The following NTM variants were observed in gnomAD, a reference collection of about 807,000 sequenced individuals.
NTM encodes the protein neurotrimin.
NTM carries 13 observed loss-of-function variants against 42.1 expected under a neutral mutation model. The observed-to-expected ratio is 0.31, with a 90% CI of 0.20 to 0.49. NTM has a LOEUF of 0.49. NTM is among the 20% of genes least tolerant of loss of function. The pLI is 0.99. For synonymous variants in NTM, 187 were observed against 179.2 expected, an observed-to-expected ratio of 1.04 and a Z score of -0.35; for missense variants, 373 against 452.8, an observed-to-expected ratio of 0.82 and a Z score of 1.60.
At chr11:131,534,349 C>G (rs2051782816) in intron 1 of NTM, 1 of 152,128 alleles carries the variant, frequency 6.6e-6, no homozygotes, top group Non-Finnish European at 1.5e-5. Flanking sequence ...AGACATCAGA[C>G]CAGACACACA....
chr11:132,084,202 A>G (rs2059422750), intron 2 of NTM, among the ~76,000 whole-genome samples: 1 of 152,168 alleles, frequency 6.6e-6, no homozygotes, highest in Non-Finnish European at 1.5e-5. Flanking sequence ...TGAAGGGGAT[A>G]AAAACAAGAC....
chr11:132,107,339 C>CTTCTTTTT (rs1640202965), intron 2 of NTM, among the ~76,000 whole-genome samples: 3 of 88,858 alleles, frequency 3.4e-5, no homozygotes, highest in Admixed American at 1.2e-4. Context: ...AAGATTTATC[C>CTTCTTTTT]TTTTTTTTTT....
At chr11:131,594,700 G>A (rs2059665990) in intron 1 of NTM, among the ~76,000 whole-genome samples, 1 of 152,148 alleles carries the variant, frequency 6.6e-6, no homozygotes, top group Admixed American at 6.6e-5. Flanking sequence ...ATGCCTGAAA[G>A]TTTACTAATT....
intron 2 of NTM, among the ~76,000 whole-genome samples, chr11:132,101,944 C>T (rs149640807): frequency 6.6e-6 from 1 of 152,188 alleles, no homozygotes; most frequent in African/African-American, 2.4e-5. Flanking sequence ...CTTTCTGTAA[C>T]CTGATCTCTC....
chr11:131,727,348 GA>G (rs1017848876), intron 1 of NTM, among the ~76,000 whole-genome samples: 1 of 152,178 alleles, frequency 6.6e-6, no homozygotes, highest in African/African-American at 2.4e-5. Flanking sequence ...AATGAAAGGA[GA>G]AAAATAAGGT....
Position 132,146,639 on chromosome 11 carries a change from C to A in NTM, c.400+125C>A. ...TATTCTACGCATCTGGGGTCCAGGGCACATTTCTGGTTGTCATTTTGCAGT... is the reference window on the plus strand; with the variant it reads ...TATTCTACGCATCTGGGGTCCAGGGAACATTTCTGGTTGTCATTTTGCAGT... On this transcript the variant is annotated intron_variant, in intron 3 of 8. Transcript: ENST00000683400. The surrounding 1 kb of genome is among the most constrained non-coding windows in gnomAD (Gnocchi z 4.5). 1 of 977,526 alleles carries A rather than the reference C, an allele frequency of 1.0e-6. No homozygotes were observed. The highest frequency in any genetic ancestry group is 1.5e-6 in the Non-Finnish European group (1 of 687,924). The allele number at this position is 977,526 out of a possible 1,614,324, so 60.6% of individuals were successfully genotyped here.
chr11:131,811,714 T>A (rs1282212154), intron 1 of NTM, among the ~76,000 whole-genome samples: 1 of 152,184 alleles, frequency 6.6e-6, no homozygotes, highest in African/African-American at 2.4e-5. Flanking sequence ...TCGTGATGGA[T>A]GGGCTCATTT....
chr11:131,763,709 C>CTTTTTTT (rs557522093), intron 1 of NTM, among the ~76,000 whole-genome samples: 2,830 of 70,802 alleles, frequency 0.04, 307 homozygotes, highest in Non-Finnish European at 0.053. Flanking sequence ...ATCTCTCTCT[C>CTTTTTTT]TTTTTTTTTT....
At chr11:132,035,427 T>G (rs922109558) in intron 2 of NTM, among the ~76,000 whole-genome samples, 8 of 152,354 alleles carry the variant, frequency 5.3e-5, no homozygotes, top group Middle Eastern at 3.4e-3. Context: ...TAGTCGGCTG[T>G]CAAACAATAT....
intron 1 of NTM, among the ~76,000 whole-genome samples, chr11:131,434,126 C>T (rs1286850303): frequency 1.3e-5 from 2 of 152,218 alleles, no homozygotes; most frequent in Non-Finnish European, 2.9e-5. Flanking sequence ...AGGACATGAA[C>T]TCATCCTTTT....
At chr11:131,486,105 A>G (rs1018062457) in intron 1 of NTM, among the ~76,000 whole-genome samples, 2 of 152,182 alleles carry the variant, frequency 1.3e-5, no homozygotes, top group African/African-American at 4.8e-5. Flanking sequence ...TCTCTGACAC[A>G]GAATACAGAA....
At chr11:131,738,014 G>A (rs1331362698) in intron 1 of NTM, among the ~76,000 whole-genome samples, 1 of 152,182 alleles carries the variant, frequency 6.6e-6, no homozygotes, top group African/African-American at 2.4e-5. Context: ...TAATTACACT[G>A]TAGATCAAAC....
intron 1 of NTM, among the ~76,000 whole-genome samples, chr11:131,625,666 T>C (rs780906378): frequency 6.6e-6 from 1 of 151,994 alleles, no homozygotes; most frequent in African/African-American, 2.4e-5. Context: ...ATAACCAGCA[T>C]GCCAATAAAG....
At chr11:131,528,038 A>G (rs1457581334) in intron 1 of NTM, among the ~76,000 whole-genome samples, 1 of 152,234 alleles carries the variant, frequency 6.6e-6, no homozygotes, top group Non-Finnish European at 1.5e-5. Context: ...AGAAATGCTC[A>G]ACTGGTATAA....
At chr11:131,993,421 G>T (rs1428460864) in intron 2 of NTM, among the ~76,000 whole-genome samples, 1 of 152,160 alleles carries the variant, frequency 6.6e-6, no homozygotes, top group East Asian at 1.9e-4. Context: ...AAGTGATGGA[G>T]GGGGAGAAAT....
At chr11:131,825,843 A>G (rs2042064898) in intron 1 of NTM, among the ~76,000 whole-genome samples, 1 of 152,194 alleles carries the variant, frequency 6.6e-6, no homozygotes, top group African/African-American at 2.4e-5. Context: ...AAAAATATGA[A>G]TTCAGTCTTG....
chr11:131,734,636 C>T (rs912323730), intron 1 of NTM, among the ~76,000 whole-genome samples: 4 of 152,162 alleles, frequency 2.6e-5, no homozygotes, highest in African/African-American at 2.4e-5. Flanking sequence ...TGTCCTCTTC[C>T]TTTGGGGTAG....
chr11:131,951,828 A>G (rs1417365004), intron 2 of NTM, among the ~76,000 whole-genome samples: 1 of 151,190 alleles, frequency 6.6e-6, no homozygotes, highest in Admixed American at 6.6e-5. Flanking sequence ...TCTCAAAAAA[A>G]AAAAAAAAAA....
At chr11:132,281,306 A>G (rs2093962656) in intron 4 of NTM, among the ~76,000 whole-genome samples, 1 of 152,222 alleles carries the variant, frequency 6.6e-6, no homozygotes, top group South Asian at 2.1e-4. Context: ...CTCACAGGGA[A>G]GTAACATTGA....
Sources: gnomAD v4.1 joint callset for allele counts (sites outside exome capture counted in the v4.1 genomes callset) on GRCh38, gnomAD v4.1.1 for gene constraint, Gnocchi (gnomAD v3.1) non-coding constraint, MANE v1.5 for transcripts, NCBI Gene and HGNC (gene_info 2026-07-23, HGNC 2026-07-21) for gene names.